DLGAP1: variants seen among roughly 807,000 people sequenced by gnomAD.
The protein encoded by DLGAP1 is DLG associated protein 1, also known as disks large-associated protein 1.
In DLGAP1, 11 loss-of-function variants were observed where a neutral mutation model predicts 90.8. That is an observed-to-expected ratio of 0.12 (90% confidence interval 0.08 to 0.20). DLGAP1 has a LOEUF of 0.20. Ranked by LOEUF, DLGAP1 falls within the 10% of genes least tolerant of loss-of-function variation. The pLI is 1.00. For synonymous variants in DLGAP1, 558 were observed against 540.7 expected, an observed-to-expected ratio of 1.03 and a Z score of -0.44; for missense variants, 1,050 against 1,333.8, an observed-to-expected ratio of 0.79 and a Z score of 3.31.
chr18:4,049,525 C>T (rs2075102725), intron 2 of DLGAP1, among the ~76,000 whole-genome samples: 1 of 152,172 alleles, frequency 6.6e-6, no homozygotes, highest in Non-Finnish European at 1.5e-5. Context: ...CTGAACCTGA[C>T]TTCCCTCTGG....
At position 4,342,014 on chromosome 18, in the gene DLGAP1, C is replaced by T. The variant is rs1021147991; in HGVS notation, c.-267+112992G>A. On this transcript the variant is annotated intron_variant, in intron 1 of 12. Coordinates refer to ENST00000315677, the MANE Select transcript of DLGAP1 (RefSeq NM_004746.4). This position sits in a 1 kb window ranked among gnomAD's most constrained non-coding sequence, Gnocchi z 5.8. ...TTTATCCACAAGTAAAAATAAATAGCTGAACCTGCCACACAAGATCATCTT... is the reference window on the plus strand; with the variant it reads ...TTTATCCACAAGTAAAAATAAATAGTTGAACCTGCCACACAAGATCATCTT... Among the ~76,000 whole-genome samples the T allele has an allele frequency of 2.0e-5, 3 of 152,010 alleles. No individual in the cohort carries two copies. The highest frequency in any genetic ancestry group is 2.9e-5 in the Non-Finnish European group (2 of 67,998).
chr18:4,164,635 G>A (rs895853968), intron 1 of DLGAP1, among the ~76,000 whole-genome samples: 9 of 152,006 alleles, frequency 5.9e-5, no homozygotes, highest in African/African-American at 1.2e-4. Flanking sequence ...AGCCAAGATC[G>A]CACCACTGCT....
intron 3 of DLGAP1, among the ~76,000 whole-genome samples, chr18:3,886,931 C>G (rs1599108439): frequency 6.6e-6 from 1 of 152,190 alleles, no homozygotes. Flanking sequence ...GAATAGTGAT[C>G]TTTCCCATGA....
chr18:3,532,513 C>T (rs893117956), intron 10 of DLGAP1, among the ~76,000 whole-genome samples: 4 of 150,182 alleles, frequency 2.7e-5, no homozygotes, highest in Admixed American at 6.7e-5. Context: ...TGGAGGCAGA[C>T]GTTGCGGTGA....
chr18:4,372,514 C>T (rs535393983), intron 1 of DLGAP1, among the ~76,000 whole-genome samples: 2 of 152,346 alleles, frequency 1.3e-5, no homozygotes, highest in South Asian at 2.1e-4. Flanking sequence ...CTACTCCTGA[C>T]TGGAAGTCCT....
chr18:4,082,805 T>A (rs950425612), intron 2 of DLGAP1, among the ~76,000 whole-genome samples: 1 of 134,272 alleles, frequency 7.4e-6, no homozygotes, highest in Non-Finnish European at 1.7e-5. Context: ...CCAGTTGAGG[T>A]CTGTCTGGCT....
At chr18:3,954,753 A>G (rs532962299) in intron 3 of DLGAP1, among the ~76,000 whole-genome samples, 1 of 152,346 alleles carries the variant, frequency 6.6e-6, no homozygotes, top group Non-Finnish European at 1.5e-5. Flanking sequence ...GGGCAGATTT[A>G]CCTCACGCCT....
intron 3 of DLGAP1, among the ~76,000 whole-genome samples, chr18:3,913,482 A>T (rs1321102867): frequency 2.0e-5 from 3 of 152,122 alleles, no homozygotes; most frequent in African/African-American, 7.2e-5. Flanking sequence ...TCTGTTTATC[A>T]CTCTACATGG....
At chr18:3,942,745 A>G (rs1238840033) in intron 3 of DLGAP1, among the ~76,000 whole-genome samples, 2 of 152,230 alleles carry the variant, frequency 1.3e-5, no homozygotes, top group Non-Finnish European at 2.9e-5. Flanking sequence ...ATTCATTTTG[A>G]ACAGTACCTA....
At chr18:3,602,324 G>A (rs1406744241) in intron 7 of DLGAP1, among the ~76,000 whole-genome samples, 1 of 152,080 alleles carries the variant, frequency 6.6e-6, no homozygotes, top group Non-Finnish European at 1.5e-5. Context: ...GGCCGGGCGC[G>A]GTGGCTCACG....
In DLGAP1 at chr18:4,339,817, G is replaced by A. The variant is rs541649072; in HGVS notation, c.-267+115189C>T. 9.5e-4 allele frequency among the ~76,000 whole-genome samples: 144 copies of A among 152,154 alleles called. No individual in the cohort carries two copies. The Middle Eastern group carries it at 0.02, about 22-fold the overall frequency. On this transcript the variant is annotated intron_variant, in intron 1 of 12. Transcript: ENST00000315677. ...ATGTACAAGTCCTGCCAATGAAAAA[G>A]CACAAATTCTTGCACAAAAAGTGAA...
At chr18:3,988,716 G>A (rs377322859) in intron 3 of DLGAP1, among the ~76,000 whole-genome samples, 4 of 152,268 alleles carry the variant, frequency 2.6e-5, no homozygotes, top group Non-Finnish European at 4.4e-5. Context: ...CCACGGACCC[G>A]TACTGCAGGA....
intron 7 of DLGAP1, among the ~76,000 whole-genome samples, chr18:3,633,047 C>T (rs182659761): frequency 4.6e-5 from 7 of 152,270 alleles, no homozygotes; most frequent in East Asian, 3.9e-4. Context: ...TATTAGGCTA[C>T]GCCTTGGGCA....
chr18:3,849,183 A>T (rs1464384550), intron 4 of DLGAP1, among the ~76,000 whole-genome samples: 1 of 152,206 alleles, frequency 6.6e-6, no homozygotes. Flanking sequence ...GCTTTGCTGA[A>T]CATCTCAAGT....
At chr18:4,231,284 T>G (rs2078293914) in intron 1 of DLGAP1, among the ~76,000 whole-genome samples, 1 of 152,136 alleles carries the variant, frequency 6.6e-6, no homozygotes, top group Non-Finnish European at 1.5e-5. Context: ...AGCATTTTCT[T>G]ATGGTGTTTG....
chr18:4,236,394 T>C (rs1392487949), intron 1 of DLGAP1, among the ~76,000 whole-genome samples: 2 of 152,204 alleles, frequency 1.3e-5, no homozygotes, highest in Admixed American at 1.3e-4. Context: ...GTGTGCAAAC[T>C]GCACCTAGTA....
At chr18:3,581,820 T>C (rs1001784787) in intron 8 of DLGAP1, 55 bp downstream of exon 8, 12 of 1,588,386 alleles carry the variant, frequency 7.6e-6, no homozygotes, top group Non-Finnish European at 9.4e-6. Flanking sequence ...ACAAAAAGTG[T>C]TACATTCCTT....
intron 3 of DLGAP1, among the ~76,000 whole-genome samples, chr18:3,933,612 G>C (rs2072567647): frequency 6.6e-6 from 1 of 152,222 alleles, no homozygotes; most frequent in Non-Finnish European, 1.5e-5. Context: ...CTTTCTGGCT[G>C]TCTATTGTTC....
intron 1 of DLGAP1, among the ~76,000 whole-genome samples, chr18:4,230,895 C>A (rs2078285596): frequency 6.6e-6 from 1 of 151,574 alleles, no homozygotes; most frequent in Non-Finnish European, 1.5e-5. Context: ...TAAATAGATA[C>A]ACCTACTACA....
Sources: gnomAD v4.1 joint callset for allele counts (sites outside exome capture counted in the v4.1 genomes callset) on GRCh38, gnomAD v4.1.1 for gene constraint, Gnocchi (gnomAD v3.1) non-coding constraint, MANE v1.5 for transcripts, NCBI Gene and HGNC (gene_info 2026-07-23, HGNC 2026-07-21) for gene names.